Variants in KIAA1217 observed in about 807,000 individuals in gnomAD.
KIAA1217 encodes KIAA1217.
KIAA1217 carries 88 observed loss-of-function variants against 163.9 expected under a neutral mutation model. The ratio of observed to expected loss-of-function variants is 0.54; its 90% CI spans 0.45 to 0.64. The LOEUF (loss-of-function observed/expected upper bound fraction) is 0.64, where lower values mean the gene tolerates loss of function less well. KIAA1217 is among the 30% of genes least tolerant of loss of function. The probability of loss-of-function intolerance (pLI) is 0.00; values close to 1 mark genes in which losing one functional copy is unlikely to be tolerated. For synonymous variants in KIAA1217, 903 were observed against 923.1 expected (o/e 0.98, Z 0.39); for missense variants, 2,372 against 2,475.0 (o/e 0.96, Z 0.88).
intron 2 of KIAA1217, among the ~76,000 whole-genome samples, chr10:24,183,227 A>G (rs1479627878): frequency 2.0e-5 from 3 of 152,232 alleles, no homozygotes; most frequent in African/African-American, 7.2e-5. Context: ...CTGCAGAATG[A>G]TGAGCTAAAT....
intron 5 of KIAA1217, among the ~76,000 whole-genome samples, chr10:24,462,730 G>A (rs2132646214): frequency 6.6e-6 from 1 of 152,260 alleles, no homozygotes; most frequent in East Asian, 1.9e-4. Context: ...TTGTGGGTGG[G>A]GTATGGTGAG....
At chr10:23,810,784 A>G (rs549405051) in intron 1 of KIAA1217, among the ~76,000 whole-genome samples, 3 of 125,982 alleles carry the variant, frequency 2.4e-5, no homozygotes, top group African/African-American at 9.3e-5. Context: ...TACTAATTAC[A>G]CTAATTACTA....
At chr10:23,879,925 T>C (rs921689986) in intron 1 of KIAA1217, among the ~76,000 whole-genome samples, 9 of 151,866 alleles carry the variant, frequency 5.9e-5, no homozygotes, top group Admixed American at 3.3e-4. Context: ...GGTGACAGCA[T>C]GGCCAGTTGC....
At chr10:24,369,304 T>A (rs2051241038) in intron 2 of KIAA1217, among the ~76,000 whole-genome samples, 1 of 151,422 alleles carries the variant, frequency 6.6e-6, no homozygotes, top group South Asian at 2.1e-4. Context: ...GTGTTTGAAA[T>A]TAACAGTGAA....
At chr10:23,730,658 A>G (rs1272173440) in intron 1 of KIAA1217, among the ~76,000 whole-genome samples, 1 of 150,908 alleles carries the variant, frequency 6.6e-6, no homozygotes, top group African/African-American at 2.5e-5. Context: ...TAGTGTCTTT[A>G]TTTTATTCAT....
intron 2 of KIAA1217, among the ~76,000 whole-genome samples, chr10:24,189,219 T>A (rs961840729): frequency 6.6e-6 from 1 of 152,070 alleles, no homozygotes; most frequent in Non-Finnish European, 1.5e-5. Context: ...ATCCTACCAT[T>A]GAAAGCGCTT....
intron 3 of KIAA1217, among the ~76,000 whole-genome samples, chr10:24,400,012 A>G (rs996134757): frequency 6.6e-6 from 1 of 152,246 alleles, no homozygotes; most frequent in Non-Finnish European, 1.5e-5. Context: ...TTTGCTACTT[A>G]ACATAGCAAC....
chr10:24,277,835 C>T (rs1381178943), intron 2 of KIAA1217, among the ~76,000 whole-genome samples: 1 of 152,166 alleles, frequency 6.6e-6, no homozygotes. Context: ...TGGCCTAATA[C>T]AGTAGGTTTT....
chr10:23,989,023 A>G (rs1241560250), intron 1 of KIAA1217, among the ~76,000 whole-genome samples: 2 of 152,212 alleles, frequency 1.3e-5, no homozygotes, highest in African/African-American at 4.8e-5. Context: ...CACAATTTTC[A>G]TTAATTTTTA....
chr10:24,436,555 G>A (rs1009403847), intron 4 of KIAA1217, among the ~76,000 whole-genome samples: 8 of 151,250 alleles, frequency 5.3e-5, no homozygotes, highest in Admixed American at 1.3e-4. Context: ...TCAGGAGATC[G>A]AGACCATCCT....
At chr10:24,465,607 C>T (rs764755345) in intron 5 of KIAA1217, among the ~76,000 whole-genome samples, 12 of 152,202 alleles carry the variant, frequency 7.9e-5, no homozygotes, top group Non-Finnish European at 1.8e-4. Context: ...ACCCAGTCCC[C>T]AAGGGCTCAG....
intron 2 of KIAA1217, among the ~76,000 whole-genome samples, chr10:24,226,462 T>TA (rs570681774): frequency 0.056 from 7,941 of 141,852 alleles, 270 homozygotes; most frequent in Non-Finnish European, 0.078. Flanking sequence ...CCGTCTCTAC[T>TA]AAAAAAAAAA....
chr10:24,400,136 G>C (rs956502332), intron 3 of KIAA1217, among the ~76,000 whole-genome samples: 1 of 152,158 alleles, frequency 6.6e-6, no homozygotes, highest in Non-Finnish European at 1.5e-5. Context: ...TCACATCCCA[G>C]GAAAGCAGCA....
intron 1 of KIAA1217, among the ~76,000 whole-genome samples, chr10:23,724,607 C>A (rs1838035560): frequency 6.6e-6 from 1 of 152,106 alleles, no homozygotes; most frequent in South Asian, 2.1e-4. Flanking sequence ...GATAACTTAG[C>A]AGAGTCTCTC....
chr10:24,277,906 A>G (rs2077485480), intron 2 of KIAA1217, among the ~76,000 whole-genome samples: 1 of 152,186 alleles, frequency 6.6e-6, no homozygotes, highest in Non-Finnish European at 1.5e-5. Flanking sequence ...CACTGCCAGC[A>G]ATCAGCTGGG....
intron 1 of KIAA1217, among the ~76,000 whole-genome samples, chr10:23,824,496 CAT>C (rs1156424808): frequency 2.6e-5 from 2 of 76,288 alleles, no homozygotes; most frequent in African/African-American, 8.0e-5. Context: ...AGCATGGTGA[CAT>C]GGGCCTCTAA....
At chr10:24,526,272 T>A (rs1592671050) in intron 13 of KIAA1217, among the ~76,000 whole-genome samples, 1 of 152,174 alleles carries the variant, frequency 6.6e-6, no homozygotes, top group East Asian at 1.9e-4. Context: ...CACTAGGTGG[T>A]TTCTCTGTGT....
In KIAA1217 at chr10:24,542,592, G is replaced by T. The variant is rs547468649; in HGVS notation, c.3535-101G>T. On this transcript the variant is annotated intron_variant, in intron 17 of 20. Transcript: ENST00000376454. ...GGTGTGTAAGAAATATGCGTGGCCCGCATGTCTTAGAAATGTAATTAAAGG... is the reference window on the plus strand; with the variant it reads ...GGTGTGTAAGAAATATGCGTGGCCCTCATGTCTTAGAAATGTAATTAAAGG... 2.2e-5 allele frequency: 35 copies of T among 1,565,030 alleles called. No homozygotes were observed. In the East Asian group the frequency reaches 7.3e-4, roughly 33 times the overall value.
Position 23,833,664 on chromosome 10 carries a change from T to A in KIAA1217, c.-321+138430T>A, listed in dbSNP as rs1335815. ...AGTTTCAATACTTCTGTCTCTAGTT[T>A]TGTATTTATTTTTATTTAACTTTTT... is the stretch of plus-strand genomic sequence containing the variant. On this transcript the variant is annotated intron_variant, in intron 1 of 18. Transcript: ENST00000376462. Among the ~76,000 whole-genome samples the A allele has an allele frequency of 3.8e-3, 574 of 152,094 alleles. 9 individuals are homozygous for A. Among genetic ancestry groups the A allele is most frequent in the African/African-American group, 0.013 (529 of 41,520 alleles).
Sources: gnomAD v4.1 joint callset for allele counts (sites outside exome capture counted in the v4.1 genomes callset) on GRCh38, gnomAD v4.1.1 for gene constraint, MANE v1.5 for transcripts, NCBI Gene and HGNC (gene_info 2026-07-23, HGNC 2026-07-21) for gene names.